SLC12A7: variants seen among roughly 807,000 people sequenced by gnomAD.
SLC12A7 encodes the protein K-Cl cotransporter 4.
A neutral mutation model predicts 120.6 loss-of-function variants in SLC12A7; 100 were observed. The ratio of observed to expected loss-of-function variants is 0.83; its 90% CI spans 0.71 to 0.98. The LOEUF is 0.98. Ranked by LOEUF, SLC12A7 falls within the 50% of genes least tolerant of loss-of-function variation. The probability of loss-of-function intolerance (pLI) is 0.00; values close to 1 mark genes in which losing one functional copy is unlikely to be tolerated. For synonymous variants in SLC12A7, 760 were observed against 678.0 expected, an observed-to-expected ratio of 1.12 and a Z score of -1.88; for missense variants, 1,373 against 1,548.1, an observed-to-expected ratio of 0.89 and a Z score of 1.90.
chr5:1,052,584 G>A, intron 23 of SLC12A7, 133 bp from the exon 24 acceptor site: 1 of 727,910 alleles, frequency 1.4e-6, no homozygotes, highest in South Asian at 1.7e-5. Flanking sequence ...AAGGTGAAAA[G>A]AGAGGTGGGG....
the SLC12A7 span, among the ~76,000 whole-genome samples, chr5:1,121,983 A>G: frequency 6.6e-6 from 1 of 152,178 alleles, no homozygotes; most frequent in African/African-American, 2.4e-5. Context: ...TGCAGGCACG[A>G]AGCGGGGATG....
chr5:1,057,880 G>A (rs1411332906), intron 21 of SLC12A7, among the ~76,000 whole-genome samples: 1 of 152,112 alleles, frequency 6.6e-6, no homozygotes, highest in African/African-American at 2.4e-5. Context: ...TCCCGCCCTG[G>A]CCCTGAACTG....
intron 1 of SLC12A7, among the ~76,000 whole-genome samples, chr5:1,094,678 G>A (rs1740906404): frequency 1.3e-5 from 2 of 152,234 alleles, no homozygotes; most frequent in South Asian, 4.1e-4. Flanking sequence ...TCAGCCAAAT[G>A]TGGGCAAAAT....
chr5:1,141,437 CGGGCACCACAGCCGCCA>C, the SLC12A7 span, among the ~76,000 whole-genome samples: 1 of 151,810 alleles, frequency 6.6e-6, no homozygotes, highest in Non-Finnish European at 1.5e-5. Flanking sequence ...CCTGCTGCCA[CGGGCACCACAGCCGCCA>C]TGGGCACCAG....
At chr5:1,138,162 G>C in the SLC12A7 span, among the ~76,000 whole-genome samples, 1 of 151,894 alleles carries the variant, frequency 6.6e-6, no homozygotes, top group Non-Finnish European at 1.5e-5. Context: ...CAAAGAGTGA[G>C]CAGCAGCAAG....
Position 1,096,237 on chromosome 5 carries a change from C to T in SLC12A7, c.125-1989G>A, listed in dbSNP as rs186120952. 4.0e-3 allele frequency among the ~76,000 whole-genome samples: 613 copies of T among 152,218 alleles called. 3 individuals are homozygous for T. The highest frequency in any genetic ancestry group is 6.8e-3 in the Middle Eastern group (2 of 294). On this transcript the variant is annotated intron_variant, in intron 1 of 23. Transcript: ENST00000264930. ...TTACTCCCAACAGTTCAGAAACAAA[C>T]GTGGGAGTGAAAGACGGAGACCTGG...
Position 1,064,224 on chromosome 5 carries a change from G to C in SLC12A7, c.2466C>G (p.His822Gln), listed in dbSNP as rs375034450. Residue 822 changes from histidine (H) to glutamine (Q), a missense_variant, in exon 19 of 24, where the codon CAC becomes CAG. His to Gln is a conservative substitution (Grantham distance 24). Transcript: ENST00000264930. ...CGTTCTTGGCCACCAGCAGAGCCTG[G>C]TGCGCGGCGGTGGTGTCGCGGACGG... ...VDTVRDTTAA[H>Q]QALLVAKNVD... The C allele has an allele frequency of 5.6e-6, 9 of 1,611,786 alleles. No homozygotes were observed. The African/African-American group carries it at 8.0e-5, about 14-fold the overall frequency.
intron 2 of SLC12A7, among the ~76,000 whole-genome samples, 191 bp downstream of exon 2, chr5:1,093,963 G>A (rs953145474): frequency 1.4e-4 from 22 of 152,198 alleles, no homozygotes; most frequent in African/African-American, 4.8e-4. Context: ...GGCACCAGCC[G>A]AGGAGCACGT....
At chr5:1,117,605 G>A in the SLC12A7 span, among the ~76,000 whole-genome samples, 1 of 152,198 alleles carries the variant, frequency 6.6e-6, no homozygotes, top group African/African-American at 2.4e-5. This position sits in a 1 kb window ranked among gnomAD's most constrained non-coding sequence, Gnocchi z 4.5. Context: ...TGTTGCGCTA[G>A]ATGGATCAGC....
At chr5:1,142,276 T>TCTATCCC in the SLC12A7 span, among the ~76,000 whole-genome samples, 1 of 46,526 alleles carries the variant, frequency 2.1e-5, no homozygotes, top group Non-Finnish European at 3.8e-5. Context: ...TCCTGTCCCC[T>TCTATCCC]CTCTCCCCTC....
chr5:1,066,232 C>T (rs1737039481), intron 17 of SLC12A7, among the ~76,000 whole-genome samples: 1 of 152,236 alleles, frequency 6.6e-6, no homozygotes, highest in Admixed American at 6.5e-5. Flanking sequence ...CATGCCTCTC[C>T]TGGCTTGTCC....
intron 16 of SLC12A7, among the ~76,000 whole-genome samples, chr5:1,074,236 G>A (rs530805951): frequency 1.3e-4 from 20 of 151,260 alleles, no homozygotes; most frequent in South Asian, 8.4e-4. Context: ...ACAATGGCCC[G>A]GGGCACACAC....
At chr5:1,063,693 C>G (rs1299964282) in intron 20 of SLC12A7, 151 bp downstream of exon 20, 1 of 92,110 alleles carries the variant, frequency 1.1e-5, no homozygotes, top group Non-Finnish European at 2.3e-5. Flanking sequence ...TCTCCACTTC[C>G]CCCTCCACCC....
chr5:1,153,475 C>T, the SLC12A7 span, among the ~76,000 whole-genome samples: 6 of 152,164 alleles, frequency 3.9e-5, no homozygotes, highest in Admixed American at 3.9e-4. Flanking sequence ...TGCTGGGCAC[C>T]CGGAGGAGAG....
At chr5:1,074,895 A>C (rs1463981283) in intron 15 of SLC12A7, among the ~76,000 whole-genome samples, 1 of 152,088 alleles carries the variant, frequency 6.6e-6, no homozygotes, top group Non-Finnish European at 1.5e-5. Flanking sequence ...AACGAGGTCT[A>C]CGTCCAGCAT....
At chr5:1,108,015 T>C (rs1339023762) in intron 1 of SLC12A7, among the ~76,000 whole-genome samples, 1 of 69,932 alleles carries the variant, frequency 1.4e-5, no homozygotes, top group Non-Finnish European at 3.1e-5. Flanking sequence ...TGCCACAGCA[T>C]ACAAACACAC....
intron 3 of SLC12A7, among the ~76,000 whole-genome samples, chr5:1,089,832 G>A (rs1457166918): frequency 6.6e-6 from 1 of 152,226 alleles, no homozygotes; most frequent in Non-Finnish European, 1.5e-5. Flanking sequence ...CGCCTGCCAG[G>A]CAGCTCCCCA....
At chr5:1,124,645 G>A in the SLC12A7 span, among the ~76,000 whole-genome samples, 5 of 152,068 alleles carry the variant, frequency 3.3e-5, no homozygotes, top group Non-Finnish European at 5.9e-5. Flanking sequence ...AACACTCAGC[G>A]CCCAGCACAG....
the SLC12A7 span, among the ~76,000 whole-genome samples, chr5:1,143,258 G>A: frequency 4.6e-5 from 7 of 152,236 alleles, no homozygotes; most frequent in Non-Finnish European, 8.8e-5. Context: ...GTGTAAGACC[G>A]GCCTCATCAG....
Sources: allele counts gnomAD v4.1 joint callset (sites outside exome capture counted in the v4.1 genomes callset), GRCh38; gene constraint gnomAD v4.1.1; non-coding constraint Gnocchi (gnomAD v3.1); transcripts MANE v1.5; gene names NCBI Gene and HGNC (gene_info 2026-07-23, HGNC 2026-07-21).